Variants in SDK1 observed in about 807,000 individuals in gnomAD.
SDK1 encodes protein sidekick-1.
In SDK1, 157 loss-of-function variants were observed where a neutral mutation model predicts 245.5. The ratio of observed to expected loss-of-function variants is 0.64; its 90% CI spans 0.56 to 0.73. The LOEUF (loss-of-function observed/expected upper bound fraction) is 0.73. SDK1 is among the 30% of genes least tolerant of loss of function. The probability of loss-of-function intolerance (pLI) is 0.00; values close to 1 mark genes in which losing one functional copy is unlikely to be tolerated. For missense variants in SDK1, 3,583 were observed against 3,002.3 expected, an observed-to-expected ratio of 1.19 and a Z score of -4.52; for synonymous variants, 1,647 against 1,278.5, an observed-to-expected ratio of 1.29 and a Z score of -6.15.
intron 1 of SDK1, among the ~76,000 whole-genome samples, chr7:3,328,737 T>C (rs1038254905): frequency 1.3e-5 from 2 of 152,120 alleles, no homozygotes; most frequent in African/African-American, 4.8e-5. Flanking sequence ...TAGAAATCTT[T>C]CCATGACCAC....
intron 4 of SDK1, among the ~76,000 whole-genome samples, chr7:3,786,963 A>G (rs1166305842): frequency 6.6e-6 from 1 of 152,132 alleles, no homozygotes; most frequent in Non-Finnish European, 1.5e-5. Context: ...AATAGAAGAA[A>G]TAGAGTATAA....
At chr7:3,641,255 C>T (rs1020033937) in intron 3 of SDK1, among the ~76,000 whole-genome samples, 1 of 152,002 alleles carries the variant, frequency 6.6e-6, no homozygotes, top group African/African-American at 2.4e-5. Context: ...TACATCTGAC[C>T]ATAATATGGA....
chr7:3,580,981 A>AG (rs1473738220), intron 1 of SDK1, among the ~76,000 whole-genome samples: 1 of 139,288 alleles, frequency 7.2e-6, no homozygotes, highest in Non-Finnish European at 1.6e-5. Context: ...AAAAAAAAAA[A>AG]AAAAAAAAAA....
intron 19 of SDK1, among the ~76,000 whole-genome samples, chr7:4,053,086 CAAAAAAA>C (rs923402926): frequency 3.3e-5 from 2 of 60,142 alleles, no homozygotes; most frequent in Non-Finnish European, 7.3e-5. Flanking sequence ...GACTCTGTCT[CAAAAAAA>C]AAAAAAAAAA....
chr7:3,603,954 C>T (rs923149945), intron 1 of SDK1, among the ~76,000 whole-genome samples: 1 of 152,046 alleles, frequency 6.6e-6, no homozygotes, highest in Non-Finnish European at 1.5e-5. Flanking sequence ...TGGTTTTTGT[C>T]TTTGGTTCTG....
chr7:4,166,782 GCCT>G (rs997540548), intron 32 of SDK1, among the ~76,000 whole-genome samples: 7 of 152,224 alleles, frequency 4.6e-5, no homozygotes, highest in Non-Finnish European at 8.8e-5. Context: ...ACGTGGTTGA[GCCT>G]CCCTCAGCCC....
intron 44 of SDK1, among the ~76,000 whole-genome samples, chr7:4,246,225 T>C (rs1482078894): frequency 6.6e-6 from 1 of 152,224 alleles, no homozygotes; most frequent in East Asian, 1.9e-4. Context: ...GAGAGGTTTC[T>C]TGCAGAGCAG....
At chr7:3,446,171 T>C (rs1384185343) in intron 1 of SDK1, among the ~76,000 whole-genome samples, 3 of 152,178 alleles carry the variant, frequency 2.0e-5, no homozygotes, top group Non-Finnish European at 4.4e-5. Flanking sequence ...CAAGACATGC[T>C]AATAATCATA....
chr7:3,674,141 C>G (rs1004919278), intron 4 of SDK1, among the ~76,000 whole-genome samples: 1 of 152,106 alleles, frequency 6.6e-6, no homozygotes, highest in Admixed American at 6.6e-5. Flanking sequence ...AATGTGTATA[C>G]TGAAATTGTG....
chr7:4,239,154 A>G (rs1786369927), intron 42 of SDK1, among the ~76,000 whole-genome samples: 1 of 152,210 alleles, frequency 6.6e-6, no homozygotes, highest in Non-Finnish European at 1.5e-5. Context: ...TTGCCGAATG[A>G]CCCACTATCA....
intron 1 of SDK1, among the ~76,000 whole-genome samples, chr7:3,534,252 A>C (rs899314856): frequency 1.3e-5 from 2 of 152,070 alleles, no homozygotes; most frequent in African/African-American, 4.8e-5. Context: ...TTAATATTCC[A>C]TTATATGTAT....
chr7:4,150,402 G>A (rs1780280031), intron 30 of SDK1, among the ~76,000 whole-genome samples: 1 of 152,210 alleles, frequency 6.6e-6, no homozygotes, highest in African/African-American at 2.4e-5. Context: ...AGAGGGTAGA[G>A]GGGCCAAGAC....
At chr7:3,322,731 C>A (rs947995080) in intron 1 of SDK1, among the ~76,000 whole-genome samples, 1 of 152,168 alleles carries the variant, frequency 6.6e-6, no homozygotes, top group Non-Finnish European at 1.5e-5. Flanking sequence ...GTTTCACATG[C>A]CACTTTCAGA....
chr7:3,854,991 G>A (rs116656923), intron 5 of SDK1, among the ~76,000 whole-genome samples: 2,117 of 152,224 alleles, frequency 0.014, 54 homozygotes, highest in African/African-American at 0.049. Flanking sequence ...CATCTACAGT[G>A]TCCTCCAGAC....
intron 1 of SDK1, among the ~76,000 whole-genome samples, chr7:3,596,387 C>T (rs1365267063): frequency 6.6e-6 from 1 of 152,212 alleles, no homozygotes; most frequent in Non-Finnish European, 1.5e-5. Flanking sequence ...TTGCTCGAGG[C>T]AGTGACTGAG....
chr7:3,865,674 TA>T (rs1780803311), intron 5 of SDK1, among the ~76,000 whole-genome samples: 1 of 151,684 alleles, frequency 6.6e-6, no homozygotes, highest in African/African-American at 2.4e-5. Flanking sequence ...ACGTCTGGCT[TA>T]TTTTTTTCTT....
chr7:4,198,794 TTC>T (rs1184116596), intron 35 of SDK1, among the ~76,000 whole-genome samples: 1 of 149,650 alleles, frequency 6.7e-6, no homozygotes, highest in East Asian at 2.0e-4. Context: ...AGCTTTCTTT[TTC>T]TTTCTTTTTT....
intron 1 of SDK1, among the ~76,000 whole-genome samples, chr7:3,609,484 T>G (rs1256130081): frequency 1.3e-5 from 2 of 152,182 alleles, no homozygotes; most frequent in Admixed American, 6.5e-5. Context: ...CACTGCAATC[T>G]CTGCTTCCCG....
chr7:3,820,942 G>A (rs112810877), intron 4 of SDK1, among the ~76,000 whole-genome samples: 17 of 152,336 alleles, frequency 1.1e-4, no homozygotes, highest in African/African-American at 3.6e-4. Flanking sequence ...TAAGTTGAAG[G>A]GGGGCAGCAC....
Sources: allele counts gnomAD v4.1 joint callset (sites outside exome capture counted in the v4.1 genomes callset), GRCh38; gene constraint gnomAD v4.1.1; transcripts MANE v1.5; gene names NCBI Gene and HGNC (gene_info 2026-07-23, HGNC 2026-07-21).